The following ANKRD55 variants were observed in gnomAD, a reference collection of about 807,000 sequenced individuals.
ANKRD55 encodes the protein ankyrin repeat domain-containing protein 55.
ANKRD55 carries 41 observed loss-of-function variants against 60.6 expected under a neutral mutation model. That is an observed-to-expected ratio of 0.68 (90% CI 0.53 to 0.88). ANKRD55 has a LOEUF of 0.88. ANKRD55 is among the 40% of genes least tolerant of loss of function. The pLI is 0.00. For missense variants in ANKRD55, 732 were observed against 767.6 expected (o/e 0.95, Z 0.55); for synonymous variants, 264 against 290.3 (o/e 0.91, Z 0.92).
intron 5 of ANKRD55, among the ~76,000 whole-genome samples, chr5:56,166,102 C>CTTTCTTTCTTTCTTTCTT (rs1330682158): frequency 7.8e-5 from 3 of 38,438 alleles, no homozygotes; most frequent in African/African-American, 2.5e-4. Context: ...TTCTTTCTTT[C>CTTTCTTTCTTTCTTTCTT]TTTCTTTCTT....
chr5:56,200,302 C>T (rs1759334835), intron 2 of ANKRD55, among the ~76,000 whole-genome samples: 1 of 151,902 alleles, frequency 6.6e-6, no homozygotes, highest in African/African-American at 2.4e-5. Context: ...TTTATAAATA[C>T]TCTAGTAGGT....
At position 56,120,316 on chromosome 5, in the gene ANKRD55, C is replaced by T. The variant is rs116132810; in HGVS notation, c.798-3534G>A. Among the ~76,000 whole-genome samples the T allele has an allele frequency of 2.0e-4, 30 of 152,166 alleles. No individual in the cohort carries two copies. In the East Asian group the frequency reaches 2.7e-3, roughly 14 times the overall value. On this transcript the variant is annotated intron_variant, in intron 8 of 11. Transcript: ENST00000341048. Reference sequence around the variant, plus strand: ...TGTTGGAATTACAGGCGTGAGCCACCGCACCAAGCCCTCTTAACACCATTT... The same window carrying T: ...TGTTGGAATTACAGGCGTGAGCCACTGCACCAAGCCCTCTTAACACCATTT...
At chr5:56,157,796 G>A (rs1481362436) in intron 6 of ANKRD55, among the ~76,000 whole-genome samples, 4 of 152,110 alleles carry the variant, frequency 2.6e-5, no homozygotes, top group African/African-American at 9.7e-5. Flanking sequence ...AATAAATACT[G>A]AGGGAACTCA....
chr5:56,127,553 A>T, intron 7 of ANKRD55: 1 of 985,010 alleles, frequency 1.0e-6, no homozygotes, highest in Non-Finnish European at 1.2e-6. Flanking sequence ...ATGAGTACTG[A>T]TTGGTGGCGC....
At chr5:56,182,987 T>C (rs1315696827) in intron 3 of ANKRD55, among the ~76,000 whole-genome samples, 7 of 152,212 alleles carry the variant, frequency 4.6e-5, no homozygotes, top group Admixed American at 4.6e-4. Context: ...ATTTCTGGGT[T>C]GCCAGCTTCT....
intron 6 of ANKRD55, among the ~76,000 whole-genome samples, chr5:56,155,207 AGT>A (rs979861813): frequency 1.3e-4 from 18 of 139,312 alleles, no homozygotes; most frequent in Non-Finnish European, 2.8e-4. Context: ...TGAGTGACAG[AGT>A]GAGACTGTCT....
chr5:56,212,049 GACACACACAC>G (rs200349739), intron 2 of ANKRD55, among the ~76,000 whole-genome samples: 16 of 130,222 alleles, frequency 1.2e-4, no homozygotes, highest in East Asian at 7.0e-4. Flanking sequence ...AACTGGTAAA[GACACACACAC>G]ACACACACAC....
At chr5:56,232,745 AACACAC>A (rs142447793) in intron 2 of ANKRD55, 105 bp downstream of exon 2, 82 of 871,260 alleles carry the variant, frequency 9.4e-5, no homozygotes, top group African/African-American at 6.9e-4. Context: ...CACGCACATG[AACACAC>A]ACACACACAC....
intron 8 of ANKRD55, among the ~76,000 whole-genome samples, chr5:56,118,047 G>A (rs1345310842): frequency 1.3e-5 from 2 of 152,044 alleles, no homozygotes; most frequent in South Asian, 2.1e-4. Flanking sequence ...GGAGGCTGAG[G>A]CATGAGAATT....
chr5:56,221,083 G>T (rs1369490462), intron 2 of ANKRD55, among the ~76,000 whole-genome samples: 3 of 152,090 alleles, frequency 2.0e-5, no homozygotes, highest in Non-Finnish European at 4.4e-5. Flanking sequence ...CAATGTTCCT[G>T]GGTTTACTCC....
At chr5:56,199,008 T>A (rs573576313) in intron 2 of ANKRD55, among the ~76,000 whole-genome samples, 2 of 152,052 alleles carry the variant, frequency 1.3e-5, no homozygotes, top group African/African-American at 4.8e-5. Context: ...TGAAGCCGGG[T>A]GGCAGAGCTT....
rs372967171 is a variant in ANKRD55, at chr5:56,176,141, C to T, written c.312+11G>A. The T allele has an allele frequency of 1.9e-6, 3 of 1,613,970 alleles. No individual in the cohort carries two copies. The African/African-American group carries it at 4.0e-5, about 22-fold the overall frequency. ...TGCTCCTTCCACCCTGTGACAGGCA[C>T]AAGTCAGTACCAGGTAGGTGGCCAG... On this transcript the variant is annotated intron_variant, in intron 4 of 11. Coordinates refer to ENST00000341048, the MANE Select transcript of ANKRD55 (RefSeq NM_024669.3).
intron 8 of ANKRD55, among the ~76,000 whole-genome samples, chr5:56,120,561 GGA>G (rs1187047877): frequency 6.6e-6 from 1 of 152,162 alleles, no homozygotes; most frequent in East Asian, 1.9e-4. Context: ...ACATCTGAAT[GGA>G]AATGGCTCCC....
intron 7 of ANKRD55, among the ~76,000 whole-genome samples, chr5:56,140,992 G>A (rs1172911430): frequency 2.0e-5 from 3 of 151,986 alleles, no homozygotes; most frequent in African/African-American, 7.3e-5. Flanking sequence ...GAACCCGGGA[G>A]GCAGATGATG....
At chr5:56,127,844 C>G (rs888351153) in intron 7 of ANKRD55, among the ~76,000 whole-genome samples, 1 of 152,162 alleles carries the variant, frequency 6.6e-6, no homozygotes, top group Non-Finnish European at 1.5e-5. Context: ...TTTTCTTTCT[C>G]TTCCTATCAT....
At chr5:56,135,367 C>CTTTTTTT (rs1491368101) in intron 7 of ANKRD55, among the ~76,000 whole-genome samples, 1 of 88,236 alleles carries the variant, frequency 1.1e-5, no homozygotes, top group East Asian at 2.8e-4. Context: ...TTCTTTCTTT[C>CTTTTTTT]CTTCTTTCTT....
rs1282089666 is a variant in ANKRD55, at chr5:56,176,159, G to A, written c.305C>T (p.Thr102Ile). The change falls in exon 4 of 12, where the codon ACC becomes ATC. Residue 102 changes from threonine (T) to isoleucine (I), a missense_variant. Around this residue, in one of 3 missense-constraint regions of ANKRD55, gnomAD observed 131 missense variants for 142.7 expected, o/e 0.92. Transcript: ENST00000341048. Reference sequence around the variant, plus strand: ...ACAGGCACAAGTCAGTACCAGGTAGGTGGCCAGGCATAAACTTGTGCGGCC... The same window carrying A: ...ACAGGCACAAGTCAGTACCAGGTAGATGGCCAGGCATAAACTTGTGCGGCC... The part of the protein sequence containing the change: ...AYGRTSLCLA[T>I]YLGWLEGCVS... The A allele has an allele frequency of 6.2e-7, 1 of 1,614,156 alleles. No homozygotes were observed. The highest frequency in any genetic ancestry group is 2.2e-5 in the East Asian group (1 of 44,874).
intron 5 of ANKRD55, among the ~76,000 whole-genome samples, chr5:56,166,903 G>GT (rs1443483468): frequency 6.6e-6 from 1 of 152,184 alleles, no homozygotes; most frequent in African/African-American, 2.4e-5. Flanking sequence ...TTGTAAGACT[G>GT]TTTCTTATAA....
intron 8 of ANKRD55, among the ~76,000 whole-genome samples, chr5:56,117,415 A>G (rs74322647): frequency 0.012 from 1,810 of 152,074 alleles, 30 homozygotes; most frequent in African/African-American, 0.041. Flanking sequence ...TTATGAAAAC[A>G]TTTTCTGTAA....
Sources: allele counts gnomAD v4.1 joint callset (sites outside exome capture counted in the v4.1 genomes callset), GRCh38; gene constraint gnomAD v4.1.1; regional missense constraint gnomAD v4.1.1; transcripts MANE v1.5; gene names NCBI Gene and HGNC (gene_info 2026-07-23, HGNC 2026-07-21).